Variants in UNC5C observed in about 807,000 individuals in gnomAD.
UNC5C encodes netrin receptor UNC5C.
Under a neutral mutation model 99.8 loss-of-function variants are expected in UNC5C, and 47 were observed. The ratio of observed to expected loss-of-function variants is 0.47; its 90% CI spans 0.37 to 0.60. The LOEUF is 0.60. Among genes scored for constraint, UNC5C ranks in the 20% least tolerant of loss-of-function variants. The probability of loss-of-function intolerance (pLI) is 0.00; values close to 1 mark genes in which losing one functional copy is unlikely to be tolerated. For synonymous variants in UNC5C, 487 were observed against 452.2 expected (o/e 1.08, Z -0.98); for missense variants, 1,062 against 1,165.9 (o/e 0.91, Z 1.30).
At chr4:95,524,102 A>G (rs1722436121) in intron 1 of UNC5C, among the ~76,000 whole-genome samples, 1 of 152,218 alleles carries the variant, frequency 6.6e-6, no homozygotes, top group South Asian at 2.1e-4. Flanking sequence ...TTGAATTGAA[A>G]TGGACTTTGA....
At chr4:95,317,385 C>T (rs774706908) in intron 2 of UNC5C, among the ~76,000 whole-genome samples, 2 of 152,116 alleles carry the variant, frequency 1.3e-5, no homozygotes, top group South Asian at 2.1e-4. Flanking sequence ...GCATTAACAA[C>T]GTGTTTACAT....
chr4:95,182,028 AAG>A (rs1353598360), intron 14 of UNC5C, among the ~76,000 whole-genome samples: 1 of 152,162 alleles, frequency 6.6e-6, no homozygotes, highest in East Asian at 1.9e-4. Context: ...TGAGGCCCCA[AAG>A]AGGCTGCCTT....
At position 95,414,800 on chromosome 4, in the gene UNC5C, G is replaced by C. The variant is rs113150867; in HGVS notation, c.125-79169C>G. ...TTTTGAGGTAATTTATTCAGGTTCAGGAAAATGTCTTTGAACTTAAACACA... is the reference window on the plus strand; with the variant it reads ...TTTTGAGGTAATTTATTCAGGTTCACGAAAATGTCTTTGAACTTAAACACA... On this transcript the variant is annotated intron_variant, in intron 1 of 15. Transcript: ENST00000453304. Among the ~76,000 whole-genome samples the C allele has an allele frequency of 6.0e-3, 919 of 152,246 alleles. 5 individuals are homozygous for C. Among genetic ancestry groups the C allele is most frequent in the African/African-American group, 0.02 (839 of 41,518 alleles).
Position 95,220,249 on chromosome 4 carries a change from A to T in UNC5C, c.1109-73T>A. On this transcript the variant is annotated intron_variant, in intron 7 of 15. Transcript: ENST00000453304. ...CACAGTACACATATGTATTGCTATAATTTTTTCAGACATTTACTGCCTTTT... is the reference window on the plus strand; with the variant it reads ...CACAGTACACATATGTATTGCTATATTTTTTTCAGACATTTACTGCCTTTT... The T allele has an allele frequency of 3.0e-6, 4 of 1,321,782 alleles. No individual in the cohort carries two copies. In the South Asian group the frequency reaches 5.4e-5, roughly 18 times the overall value. 81.9% of individuals were successfully genotyped at this position (1,321,782 alleles called of 1,614,324 possible). A position where few individuals can be genotyped will look rare whatever the true frequency, so the allele number is the denominator to read the frequency against.
At chr4:95,234,255 C>G (rs1739017933) in intron 7 of UNC5C, among the ~76,000 whole-genome samples, 1 of 152,004 alleles carries the variant, frequency 6.6e-6, no homozygotes, top group African/African-American at 2.4e-5. Flanking sequence ...TACAACTGGT[C>G]TTCCAATACT....
At chr4:95,364,353 A>T (rs116507409) in intron 1 of UNC5C, among the ~76,000 whole-genome samples, 243 of 152,318 alleles carry the variant, frequency 1.6e-3, no homozygotes, top group African/African-American at 5.5e-3. Context: ...GCTTTCAAGA[A>T]CTATATCCCA....
intron 5 of UNC5C, chr4:95,247,946 TAAGAAG>T (rs1354048476): frequency 6.6e-6 from 1 of 152,324 alleles, no homozygotes; most frequent in East Asian, 1.9e-4. Flanking sequence ...TAAAAAGAGA[TAAGAAG>T]AAGAAAACAT....
At chr4:95,179,449 A>G (rs1579203221) in intron 14 of UNC5C, among the ~76,000 whole-genome samples, 1 of 152,278 alleles carries the variant, frequency 6.6e-6, no homozygotes, top group East Asian at 1.9e-4. Flanking sequence ...ATCTATTATT[A>G]AAGTAAAGTA....
chr4:95,516,448 T>A (rs1454819515), intron 1 of UNC5C, among the ~76,000 whole-genome samples: 1 of 152,140 alleles, frequency 6.6e-6, no homozygotes, highest in Non-Finnish European at 1.5e-5. Flanking sequence ...GCACACATGA[T>A]CTCCAATTTT....
At chr4:95,272,733 C>G (rs1740706174) in intron 4 of UNC5C, among the ~76,000 whole-genome samples, 1 of 152,192 alleles carries the variant, frequency 6.6e-6, no homozygotes, top group African/African-American at 2.4e-5. Context: ...CACGTGGTAG[C>G]AGAAAATTCC....
intron 1 of UNC5C, among the ~76,000 whole-genome samples, chr4:95,491,005 C>G (rs1721470224): frequency 6.6e-6 from 1 of 151,404 alleles, no homozygotes; most frequent in South Asian, 2.1e-4. Flanking sequence ...GCACATGGAA[C>G]AGAGTAGGCG....
intron 5 of UNC5C, 86 bp downstream of exon 5, chr4:95,250,401 T>A (rs567879681): frequency 6.3e-6 from 9 of 1,417,712 alleles, no homozygotes; most frequent in South Asian, 5.4e-5. Flanking sequence ...TATGAAATTT[T>A]AAAAAAAGGG....
chr4:95,325,692 T>G (rs1444356477), intron 2 of UNC5C, among the ~76,000 whole-genome samples: 6 of 152,140 alleles, frequency 3.9e-5, no homozygotes, highest in African/African-American at 1.4e-4. Context: ...CTTCATCAAT[T>G]CCTTTTTTCC....
rs561093583 is a variant in UNC5C, at chr4:95,230,575, T to G, written c.1109-10399A>C. Among the ~76,000 whole-genome samples the G allele has an allele frequency of 2.4e-3, 357 of 151,374 alleles. 2 individuals are homozygous for G. The highest frequency in any genetic ancestry group is 7.5e-3 in the African/African-American group (308 of 41,320). On this transcript the variant is annotated intron_variant, in intron 7 of 15. Coordinates refer to ENST00000453304, the MANE Select transcript of UNC5C (RefSeq NM_003728.4). ...TTCTTCTAGGGTTTTTATGGTTTTA[T>G]GTCTTACATTTAAGTCTTTAATCCA... is the stretch of plus-strand genomic sequence containing the variant.
chr4:95,410,646 C>T (rs150791189), intron 1 of UNC5C, among the ~76,000 whole-genome samples: 1 of 152,048 alleles, frequency 6.6e-6, no homozygotes, highest in African/African-American at 2.4e-5. Flanking sequence ...GGGGATGCAG[C>T]GTTTAGCTAG....
chr4:95,467,919 A>G (rs974856490), intron 1 of UNC5C, among the ~76,000 whole-genome samples: 9 of 152,120 alleles, frequency 5.9e-5, no homozygotes, highest in Non-Finnish European at 1.3e-4. Context: ...AAGAGAAAAT[A>G]TCTTTACTAC....
intron 1 of UNC5C, among the ~76,000 whole-genome samples, chr4:95,513,322 A>AGAATG (rs1333482376): frequency 6.6e-5 from 10 of 152,218 alleles, no homozygotes; most frequent in Non-Finnish European, 1.5e-4. Flanking sequence ...CCAGGCGCAC[A>AGAATG]CCAGCCCAGT....
At chr4:95,174,196 C>A (rs1469403538) in intron 14 of UNC5C, among the ~76,000 whole-genome samples, 3 of 152,074 alleles carry the variant, frequency 2.0e-5, no homozygotes. Context: ...AAACCAGCTA[C>A]TGGATTCATT....
intron 1 of UNC5C, among the ~76,000 whole-genome samples, chr4:95,340,782 G>A (rs977327642): frequency 2.6e-5 from 4 of 152,118 alleles, no homozygotes; most frequent in Admixed American, 6.6e-5. Context: ...TTTTCTGCCC[G>A]CTTAAGCCTT....
Sources: allele counts gnomAD v4.1 joint callset (sites outside exome capture counted in the v4.1 genomes callset), GRCh38; gene constraint gnomAD v4.1.1; transcripts MANE v1.5; gene names NCBI Gene and HGNC (gene_info 2026-07-23, HGNC 2026-07-21).